Variants in MIOS observed in about 807,000 individuals in gnomAD.
MIOS encodes the protein GATOR2 complex protein MIOS.
In MIOS, 52 loss-of-function variants were observed where a neutral mutation model predicts 96.9. The observed-to-expected ratio is 0.54, with a 90% CI of 0.43 to 0.68. The LOEUF (loss-of-function observed/expected upper bound fraction) is 0.68. MIOS is among the 30% of genes least tolerant of loss of function. The pLI is 0.00. For missense variants in MIOS, 1,005 were observed against 1,052.8 expected, an observed-to-expected ratio of 0.95 and a Z score of 0.63; for synonymous variants, 397 against 359.5, an observed-to-expected ratio of 1.10 and a Z score of -1.18.
intron 5 of MIOS, chr7:7,582,886 C>A: frequency 2.2e-6 from 1 of 453,042 alleles, no homozygotes; most frequent in Non-Finnish European, 3.7e-6. Flanking sequence ...CAGTTTAGTC[C>A]ATCTGAGCAT....
intron 5 of MIOS, among the ~76,000 whole-genome samples, chr7:7,574,446 A>G (rs1043613756): frequency 6.6e-6 from 1 of 152,106 alleles, no homozygotes; most frequent in Non-Finnish European, 1.5e-5. Context: ...CCACACGTTT[A>G]TTCAATGTTA....
At chr7:7,597,170 C>G (rs1015698618) in intron 11 of MIOS, among the ~76,000 whole-genome samples, 2 of 151,466 alleles carry the variant, frequency 1.3e-5, no homozygotes, top group Admixed American at 1.3e-4. Context: ...ACTAAAAATA[C>G]AAAAAATTAG....
intron 5 of MIOS, among the ~76,000 whole-genome samples, chr7:7,576,668 C>T (rs929354554): frequency 6.6e-6 from 1 of 152,120 alleles, no homozygotes. Context: ...TAGGGAGATT[C>T]ATCTTGTAAG....
chr7:7,593,884 AAAAAAAAAAAAG>A (rs1342924631), intron 9 of MIOS, among the ~76,000 whole-genome samples: 35 of 127,974 alleles, frequency 2.7e-4, no homozygotes, highest in East Asian at 2.6e-3. Flanking sequence ...GTCTCCAAAA[AAAAAAAAAAAAG>A]AAAAAGAAAA....
intron 5 of MIOS, among the ~76,000 whole-genome samples, chr7:7,581,427 A>G (rs150315769): frequency 3.3e-5 from 5 of 152,252 alleles, no homozygotes; most frequent in African/African-American, 1.2e-4. Flanking sequence ...ACTGTAGCTA[A>G]ATTAACTTTG....
rs2115522279 is a variant in MIOS at position 7,608,067 on chromosome 7, G to T, written c.*975G>T. The T allele has an allele frequency of 6.6e-6, 1 of 152,200 alleles. No homozygotes were observed. Among genetic ancestry groups the T allele is most frequent in the Non-Finnish European group, 1.5e-5 (1 of 67,970 alleles). 9.4% of individuals were successfully genotyped at this position (152,200 alleles called of 1,614,324 possible). On this transcript the variant is annotated 3_prime_UTR_variant, in exon 13 of 13. Transcript: ENST00000340080. ...CCTTGTTCTTTCCAAGGTAGACTAG[G>T]AAGTGTTGGGGAAATGGGGTCACTT...
Position 7,572,533 on chromosome 7 carries a change from G to T in MIOS, c.58G>T (p.Val20Leu), listed in dbSNP as rs372928664. ...ACCACACCATGTTGATAGATTTGTT[G>T]TGTGTGACTCAGAACTAAGTCTTTA... The part of the protein sequence containing the change: ...WAPHHVDRFV[V>L]CDSELSLYHV... The change falls in exon 4 of 13, where the codon GTG becomes TTG. Residue 20 changes from valine to leucine, a missense_variant. Transcript: ENST00000340080. The surrounding 1 kb of genome is among the most constrained non-coding windows in gnomAD (Gnocchi z 4.8). The T allele has an allele frequency of 6.2e-6, 10 of 1,614,066 alleles. No individual in the cohort carries two copies. Among genetic ancestry groups the T allele is most frequent in the Non-Finnish European group, 8.5e-6 (10 of 1,179,976 alleles).
At chr7:7,588,395 G>T in intron 7 of MIOS, 103 bp from the exon 8 acceptor site, 1 of 553,326 alleles carries the variant, frequency 1.8e-6, no homozygotes, top group Non-Finnish European at 2.9e-6. Context: ...AATAAATTTG[G>T]AAATAAACAT....
chr7:7,593,899 AAAG>A (rs1248146327), intron 9 of MIOS, among the ~76,000 whole-genome samples: 2 of 148,048 alleles, frequency 1.4e-5, no homozygotes, highest in Admixed American at 6.7e-5. Flanking sequence ...AAAAAAAGAA[AAAG>A]AAAAGAAAAA....
rs191872422 is a variant in MIOS, at chr7:7,598,259, C to T, written c.2401+1798C>T. Among the ~76,000 whole-genome samples, 135 of 152,322 alleles carry T rather than the reference C, an allele frequency of 8.9e-4. 3 individuals are homozygous for T. In the East Asian group the frequency reaches 0.022, roughly 25 times the overall value. On this transcript the variant is annotated intron_variant, in intron 11 of 12. Coordinates refer to ENST00000340080, the MANE Select transcript of MIOS (RefSeq NM_019005.4). ...TGACACTGAGAGTTACTTGCACCTT[C>T]CTCTGGACTGGAGATCCTTTCTAGT...
intron 5 of MIOS, among the ~76,000 whole-genome samples, chr7:7,577,963 A>G (rs751809087): frequency 6.6e-6 from 1 of 152,204 alleles, no homozygotes; most frequent in African/African-American, 2.4e-5. Context: ...TTGGATAGAG[A>G]TGAAAATGAA....
chr7:7,572,695 C>G lies in MIOS; in HGVS notation c.220C>G (p.Pro74Ala), dbSNP rs747734163. 16 of 1,614,008 alleles carry G rather than the reference C, an allele frequency of 9.9e-6. No homozygotes were observed. Among genetic ancestry groups the G allele is most frequent in the Admixed American group, 3.3e-5 (2 of 59,998 alleles). The stretch of plus-strand genomic sequence containing the variant: ...TGTTGCCTGGTATCTTAATTATGAT[C>G]CTGAATGTCTGCTGGCAGTTGGACA... ...KCVAWYLNYD[P>A]ECLLAVGQAN... Residue 74 changes from proline to alanine, a missense_variant, in exon 4 of 13, where the codon CCT becomes GCT. Physicochemically the swap from Pro to Ala is conservative, Grantham distance 27. Transcript: ENST00000340080. The surrounding 1 kb of genome is among the most constrained non-coding windows in gnomAD (Gnocchi z 4.8).
rs71010984 is a variant in MIOS, at chr7:7,591,297, G to GTT, written c.2043+1749_2043+1750dup. Among the ~76,000 whole-genome samples, 432 of 135,928 alleles carry GTT rather than the reference G, an allele frequency of 3.2e-3. 6 individuals are homozygous for GTT. In the East Asian group the frequency reaches 0.036, roughly 11 times the overall value. 89.2% of individuals were successfully genotyped at this position (135,928 alleles called of 152,430 possible). On this transcript the variant is annotated intron_variant, in intron 9 of 12. Transcript: ENST00000340080. ...TCTGTGATGTTTCATTTTTTGTTGG[G>GTT]TTTTTTTTTTTTTTTTGAGACAGGG...
chr7:7,603,117 C>T (rs1329721335), intron 11 of MIOS, among the ~76,000 whole-genome samples: 1 of 152,136 alleles, frequency 6.6e-6, no homozygotes, highest in Non-Finnish European at 1.5e-5. Flanking sequence ...CGTAAAAACC[C>T]TAGAAGAAAG....
intron 8 of MIOS, 119 bp from the exon 9 acceptor site, chr7:7,589,286 T>G: frequency 1.2e-6 from 1 of 800,460 alleles, no homozygotes; most frequent in South Asian, 2.4e-5. Context: ...TATATTTTAG[T>G]AAAGTCTTTT....
At chr7:7,568,327 C>T (rs1028868136) in intron 3 of MIOS, among the ~76,000 whole-genome samples, 1 of 152,110 alleles carries the variant, frequency 6.6e-6, no homozygotes, top group Non-Finnish European at 1.5e-5. Flanking sequence ...TAGATTTTAT[C>T]TCGGTTTTAT....
rs183291988 is a variant in MIOS at position 7,571,618 on chromosome 7, A to G, written c.-40-818A>G. Among the ~76,000 whole-genome samples, 5 of 152,360 alleles carry G rather than the reference A, an allele frequency of 3.3e-5. No homozygotes were observed. In the East Asian group the frequency reaches 5.8e-4, roughly 18 times the overall value. ...AAAATATTAATGGCATAGGTGTTAC[A>G]TGACTGAAGTTTGGGAAATACTAAT... On this transcript the variant is annotated intron_variant, in intron 3 of 12. Transcript: ENST00000340080.
At chr7:7,579,815 T>C (rs144329438) in intron 5 of MIOS, among the ~76,000 whole-genome samples, 49 of 152,310 alleles carry the variant, frequency 3.2e-4, no homozygotes, top group African/African-American at 1.1e-3. Flanking sequence ...TGTAGTGGGC[T>C]ATGCCATCTA....
intron 11 of MIOS, among the ~76,000 whole-genome samples, chr7:7,597,912 G>C (rs1261127977): frequency 6.6e-6 from 1 of 152,030 alleles, no homozygotes; most frequent in Admixed American, 6.6e-5. Flanking sequence ...CGATCCACCT[G>C]CCTCAGCTTC....
Sources: gnomAD v4.1 joint callset for allele counts (sites outside exome capture counted in the v4.1 genomes callset) on GRCh38, gnomAD v4.1.1 for gene constraint, Gnocchi (gnomAD v3.1) non-coding constraint, MANE v1.5 for transcripts, NCBI Gene and HGNC (gene_info 2026-07-23, HGNC 2026-07-21) for gene names.